PRKG1: variants seen among roughly 807,000 people sequenced by gnomAD.
PRKG1 encodes protein kinase cGMP-dependent 1.
In PRKG1, 35 loss-of-function variants were observed where a neutral mutation model predicts 88.1. That is an observed-to-expected ratio of 0.40 (90% CI 0.30 to 0.53). The LOEUF (loss-of-function observed/expected upper bound fraction) is 0.53. Among genes scored for constraint, PRKG1 ranks in the 20% least tolerant of loss-of-function variants. The pLI is 0.59. For missense variants in PRKG1, 540 were observed against 839.8 expected, an observed-to-expected ratio of 0.64 and a Z score of 4.41; for synonymous variants, 303 against 292.5, an observed-to-expected ratio of 1.04 and a Z score of -0.37.
intron 9 of PRKG1, among the ~76,000 whole-genome samples, chr10:52,235,784 A>G (rs1589722527): frequency 9.2e-6 from 1 of 108,754 alleles, no homozygotes; most frequent in Non-Finnish European, 1.9e-5. Context: ...AAGGATACCC[A>G]GGAATTGAAC....
intron 2 of PRKG1, among the ~76,000 whole-genome samples, chr10:51,276,663 G>T (rs1485078459): frequency 6.6e-6 from 1 of 152,052 alleles, no homozygotes; most frequent in African/African-American, 2.4e-5. Flanking sequence ...CATTCTAACT[G>T]GTGTGAGATG....
intron 9 of PRKG1, among the ~76,000 whole-genome samples, chr10:52,251,207 C>T (rs1187694854): frequency 6.6e-6 from 1 of 151,914 alleles, no homozygotes; most frequent in Non-Finnish European, 1.5e-5. Flanking sequence ...CCAAGCAAAA[C>T]CAAAAAATCT....
chr10:51,175,860 T>A (rs1490923521), intron 2 of PRKG1, among the ~76,000 whole-genome samples: 1 of 152,160 alleles, frequency 6.6e-6, no homozygotes, highest in Middle Eastern at 3.2e-3. Context: ...TGTTTCTGAA[T>A]GATTAATTGC....
chr10:51,200,428 G>A (rs1214124569), intron 2 of PRKG1, among the ~76,000 whole-genome samples: 16 of 152,336 alleles, frequency 1.1e-4, no homozygotes, highest in Admixed American at 4.6e-4. Flanking sequence ...TGAATGCTAA[G>A]GAATTTGTAC....
At chr10:51,423,300 G>T (rs534503978) in intron 2 of PRKG1, among the ~76,000 whole-genome samples, 1 of 152,254 alleles carries the variant, frequency 6.6e-6, no homozygotes, top group African/African-American at 2.4e-5. Flanking sequence ...TTCACATTGA[G>T]AATATAAATT....
intron 2 of PRKG1, among the ~76,000 whole-genome samples, chr10:51,418,981 C>A (rs1216951251): frequency 6.6e-6 from 1 of 152,084 alleles, no homozygotes; most frequent in East Asian, 1.9e-4. Context: ...ATATTTTTTT[C>A]AGTATTCAAA....
At chr10:51,699,699 C>A (rs3812670) in intron 3 of PRKG1, 9 of 766,562 alleles carry the variant, frequency 1.2e-5, no homozygotes, top group South Asian at 1.8e-5. Context: ...CCTGTGGAAC[C>A]TGCATCCCAC....
At chr10:51,815,700 T>G (rs1839566984) in intron 4 of PRKG1, among the ~76,000 whole-genome samples, 1 of 152,216 alleles carries the variant, frequency 6.6e-6, no homozygotes. Context: ...TTTTTGGTTT[T>G]GGCTTGGAAT....
intron 3 of PRKG1, among the ~76,000 whole-genome samples, chr10:51,773,373 T>C (rs1838354162): frequency 6.6e-6 from 1 of 152,058 alleles, no homozygotes; most frequent in African/African-American, 2.4e-5. Context: ...ATTCATGGAA[T>C]GTGGGGGCTA....
At chr10:51,146,622 A>T (rs1013091160) in intron 1 of PRKG1, among the ~76,000 whole-genome samples, 1 of 151,990 alleles carries the variant, frequency 6.6e-6, no homozygotes. Context: ...TATGCTTTTG[A>T]GGTCTTATTC....
intron 3 of PRKG1, among the ~76,000 whole-genome samples, chr10:51,498,328 G>A (rs1179272667): frequency 6.6e-6 from 1 of 152,120 alleles, no homozygotes; most frequent in African/African-American, 2.4e-5. Flanking sequence ...ACAACATGGA[G>A]TAGTTATTTA....
chr10:51,429,309 C>T (rs1003395143), intron 2 of PRKG1, among the ~76,000 whole-genome samples: 4 of 152,154 alleles, frequency 2.6e-5, no homozygotes, highest in South Asian at 2.1e-4. Flanking sequence ...AATGCACTGA[C>T]TTAATCTAGA....
intron 9 of PRKG1, among the ~76,000 whole-genome samples, chr10:52,233,533 G>A (rs1225945072): frequency 1.3e-5 from 2 of 148,210 alleles, no homozygotes; most frequent in Non-Finnish European, 3.0e-5. Flanking sequence ...TTCCCTTTCC[G>A]AGTCAAAGAA....
At chr10:51,320,307 G>C in intron 2 of PRKG1, 1 of 170,064 alleles carries the variant, frequency 5.9e-6, no homozygotes, top group Non-Finnish European at 1.4e-5. Flanking sequence ...CAAAGTTGCA[G>C]ATACCCAGCT....
At chr10:51,337,990 G>A (rs748760352) in intron 2 of PRKG1, among the ~76,000 whole-genome samples, 14 of 152,244 alleles carry the variant, frequency 9.2e-5, no homozygotes, top group Non-Finnish European at 1.8e-4. Flanking sequence ...CAAAGACATG[G>A]AATCAACTCA....
At chr10:51,286,199 G>A (rs756194192) in intron 2 of PRKG1, among the ~76,000 whole-genome samples, 12 of 152,190 alleles carry the variant, frequency 7.9e-5, no homozygotes, top group African/African-American at 1.4e-4. Context: ...TTGAACTCCC[G>A]GCCTCAGGTA....
intron 2 of PRKG1, among the ~76,000 whole-genome samples, chr10:51,421,682 G>A (rs979235888): frequency 1.5e-4 from 23 of 152,142 alleles, no homozygotes; most frequent in African/African-American, 5.3e-4. Flanking sequence ...AGAGCATCAT[G>A]TCATAATGTC....
At chr10:52,253,454 G>A (rs1383061032) in intron 10 of PRKG1, 1 of 151,952 alleles carries the variant, frequency 6.6e-6, no homozygotes, top group African/African-American at 2.4e-5. Context: ...AAAAGCAAAT[G>A]AGGAGGTACA....
intron 5 of PRKG1, among the ~76,000 whole-genome samples, chr10:51,950,213 T>A (rs942308151): frequency 6.6e-6 from 1 of 152,184 alleles, no homozygotes; most frequent in African/African-American, 2.4e-5. Context: ...ACTCATATGC[T>A]CCAAATATAC....
Sources: gnomAD v4.1 joint callset for allele counts (sites outside exome capture counted in the v4.1 genomes callset) on GRCh38, gnomAD v4.1.1 for gene constraint, MANE v1.5 for transcripts, NCBI Gene and HGNC (gene_info 2026-07-23, HGNC 2026-07-21) for gene names.